The following C16orf46 variants were observed in gnomAD, a reference collection of about 807,000 sequenced individuals.
C16orf46 encodes chromosome 16 open reading frame 46, also known as uncharacterized protein C16orf46.
In C16orf46, 7 loss-of-function variants were observed where a neutral mutation model predicts 5.5. The ratio of observed to expected loss-of-function variants is 1.28; its 90% CI spans 0.73 to 2.40. The LOEUF is 2.40. Among genes scored for constraint, C16orf46 ranks in the 30% most tolerant of loss-of-function variants. C16orf46 has a pLI of 0.00. For synonymous variants in C16orf46, 200 were observed against 184.1 expected (o/e 1.09, Z -0.70); for missense variants, 614 against 476.0 (o/e 1.29, Z -2.70).
chr16:81,068,565 ATTT>A (rs33943128), intron 1 of C16orf46, among the ~76,000 whole-genome samples: 1 of 131,360 alleles, frequency 7.6e-6, no homozygotes, highest in African/African-American at 2.8e-5. Context: ...ATTTCTTTGT[ATTT>A]TTTTTTTTTT....
intron 1 of C16orf46, among the ~76,000 whole-genome samples, chr16:81,071,815 GA>G (rs1181949962): frequency 6.6e-6 from 1 of 152,054 alleles, no homozygotes; most frequent in South Asian, 2.1e-4. Flanking sequence ...TTATAAATGA[GA>G]AAAAAAATGC....
chr16:81,055,398 T>C (rs1044427317), intron 3 of C16orf46: 1 of 152,142 alleles, frequency 6.6e-6, no homozygotes, highest in African/African-American at 2.4e-5. Flanking sequence ...CAAGTTTTAA[T>C]AAGTGGTAAA....
At position 81,061,205 on chromosome 16, in the gene C16orf46, CTG is replaced by C. The variant is rs1203418632; in HGVS notation, c.1142_1143del (p.Thr381SerfsTer?). Reference sequence around the variant, plus strand: ...GAGACAGGAATGATAACTCTGCTCACTGTGAGAGACGGCAAGACAGGTCTTGG... The same window carrying C: ...GAGACAGGAATGATAACTCTGCTCACTGAGAGACGGCAAGACAGGTCTTGG... Reference protein sequence around the residue: ...VFPRPVLPSLTVSRVIIPVST... With the variant: ...VFPRPVLPSLXVSRVIIPVST... On this transcript the variant is annotated frameshift_variant, in exon 4 of 4. Transcript: ENST00000299578. LOFTEE classifies it high-confidence loss of function. 1 of 1,613,884 alleles carries C rather than the reference CTG, an allele frequency of 6.2e-7. No homozygotes were observed. Among genetic ancestry groups the C allele is most frequent in the Non-Finnish European group, 8.5e-7 (1 of 1,179,848 alleles).
intron 1 of C16orf46, among the ~76,000 whole-genome samples, chr16:81,068,000 A>C (rs1467837647): frequency 6.6e-6 from 1 of 152,254 alleles, no homozygotes; most frequent in Non-Finnish European, 1.5e-5. Context: ...ATTATTCTTA[A>C]GTCACAGTAC....
intron 2 of C16orf46, among the ~76,000 whole-genome samples, chr16:81,064,503 G>T (rs804892): frequency 0.96 from 146,485 of 152,236 alleles, 70,709 homozygotes; most frequent in Middle Eastern, 1. Flanking sequence ...TTCTCAGCAC[G>T]TTGGGATGCT....
intron 3 of C16orf46, among the ~76,000 whole-genome samples, chr16:81,063,246 GAAAA>G (rs371975396): frequency 6.0e-5 from 6 of 100,826 alleles, no homozygotes; most frequent in African/African-American, 1.5e-4. Context: ...CCATCTCAGG[GAAAA>G]AAAAAAAAAA....
At chr16:81,054,813 A>G (rs1971248927) in intron 3 of C16orf46, among the ~76,000 whole-genome samples, 1 of 144,532 alleles carries the variant, frequency 6.9e-6, no homozygotes, top group African/African-American at 2.6e-5. Flanking sequence ...CACGCCCCCT[A>G]ATTTTTCTAT....
chr16:81,057,132 A>G (rs899598535), downstream of C16orf46, among the ~76,000 whole-genome samples: 6 of 152,216 alleles, frequency 3.9e-5, no homozygotes, highest in Non-Finnish European at 8.8e-5. Flanking sequence ...AGCCCCAAAT[A>G]GTGCCCAGGT....
chr16:81,066,016 G>C (rs1268291913), intron 2 of C16orf46, among the ~76,000 whole-genome samples, 177 bp downstream of exon 2: 1 of 151,934 alleles, frequency 6.6e-6, no homozygotes, highest in African/African-American at 2.4e-5. Context: ...CTCCCGAGTA[G>C]CTGGGATTAC....
chr16:81,072,831 A>G (rs1469684059), intron 1 of C16orf46, among the ~76,000 whole-genome samples: 3 of 152,002 alleles, frequency 2.0e-5, no homozygotes, highest in Non-Finnish European at 4.4e-5. Flanking sequence ...TCTCCTGAGT[A>G]GCTGGGATTA....
intron 1 of C16orf46, among the ~76,000 whole-genome samples, chr16:81,073,494 C>T (rs943314095): frequency 3.3e-5 from 5 of 152,136 alleles, no homozygotes; most frequent in Non-Finnish European, 7.3e-5. Flanking sequence ...ATTTCCCACC[C>T]TAATCCCTGG....
intron 1 of C16orf46, among the ~76,000 whole-genome samples, chr16:81,067,470 A>C (rs1479294684): frequency 6.6e-6 from 1 of 152,210 alleles, no homozygotes; most frequent in African/African-American, 2.4e-5. Flanking sequence ...CAAGAAATGA[A>C]ATGTGGAATA....
chr16:81,058,519 C>G (rs1486077274), downstream of C16orf46, among the ~76,000 whole-genome samples: 3 of 152,102 alleles, frequency 2.0e-5, no homozygotes, highest in East Asian at 5.8e-4. Context: ...ATGGATTGGA[C>G]CCAAGCAAGG....
chr16:81,059,516 A>G (rs925569110), downstream of C16orf46, among the ~76,000 whole-genome samples: 1 of 152,182 alleles, frequency 6.6e-6, no homozygotes, highest in Non-Finnish European at 1.5e-5. Flanking sequence ...ATGATTACTC[A>G]TATCACAGAA....
At chr16:81,066,968 A>G (rs1195752811) in intron 1 of C16orf46, among the ~76,000 whole-genome samples, 1 of 152,252 alleles carries the variant, frequency 6.6e-6, no homozygotes, top group African/African-American at 2.4e-5. Context: ...AGAAGGTATT[A>G]AACTCTATTA....
intron 3 of C16orf46, chr16:81,055,873 A>G (rs1971280357): frequency 6.6e-6 from 1 of 152,146 alleles, no homozygotes; most frequent in African/African-American, 2.4e-5. Context: ...ATGTGCCACC[A>G]TAACTGGCTA....
chr16:81,060,889 A>G (rs925509395), downstream of C16orf46: 8 of 950,346 alleles, frequency 8.4e-6, no homozygotes, highest in Non-Finnish European at 9.4e-6. Context: ...TGGGGCTGGC[A>G]AGACCAATTG....
chr16:81,064,086 A>G, intron 2 of C16orf46, 93 bp from the exon 3 acceptor site: 2 of 689,164 alleles, frequency 2.9e-6, no homozygotes, highest in East Asian at 5.6e-5. Flanking sequence ...TTCAAGACAC[A>G]TTCAGGAATA....
chr16:81,072,144 G>A (rs1971876243), intron 1 of C16orf46: 1 of 152,190 alleles, frequency 6.6e-6, no homozygotes, highest in Non-Finnish European at 1.5e-5. Context: ...ACCCTCATCA[G>A]ACTATGCATG....
Sources: gnomAD v4.1 joint callset for allele counts (sites outside exome capture counted in the v4.1 genomes callset) on GRCh38, gnomAD v4.1.1 for gene constraint, MANE v1.5 for transcripts, NCBI Gene and HGNC (gene_info 2026-07-23, HGNC 2026-07-21) for gene names.